VTI1A: variants seen among roughly 807,000 people sequenced by gnomAD.
The protein encoded by VTI1A is vesicle transport through interaction with t-SNAREs homolog 1A.
VTI1A carries 22 observed loss-of-function variants against 34.9 expected under a neutral mutation model. The ratio of observed to expected loss-of-function variants is 0.63; its 90% CI spans 0.45 to 0.90. VTI1A has a LOEUF of 0.90. VTI1A is among the 40% of genes least tolerant of loss of function. The pLI, the probability that VTI1A is intolerant of heterozygous loss-of-function variation, is 0.00. For synonymous variants in VTI1A, 87 were observed against 97.3 expected (o/e 0.89, Z 0.62); for missense variants, 268 against 275.6 (o/e 0.97, Z 0.20).
At position 112,631,875 on chromosome 10, in the gene VTI1A, T is replaced by C. The variant is rs188457417; in HGVS notation, c.428-36343T>C. On this transcript the variant is annotated intron_variant, in intron 5 of 7. Coordinates refer to ENST00000393077, the MANE Select transcript of VTI1A (RefSeq NM_145206.4). ...CACTCTTTAGCCCAGGATTGCTCAA[T>C]CTGGGACCAGAGAACCCTTTTATTT... Among the ~76,000 whole-genome samples the C allele has an allele frequency of 1.4e-4, 21 of 152,342 alleles. No individual in the cohort carries two copies. In the East Asian group the frequency reaches 2.9e-3, roughly 21 times the overall value.
downstream of VTI1A, among the ~76,000 whole-genome samples, chr10:112,822,325 T>G (rs1258529457): frequency 1.3e-5 from 2 of 152,186 alleles, no homozygotes; most frequent in East Asian, 3.9e-4. Context: ...AGCCTGAGAA[T>G]GGGCTCTGCA....
intron 7 of VTI1A, among the ~76,000 whole-genome samples, chr10:112,694,048 A>G (rs1165604354): frequency 6.6e-6 from 1 of 152,154 alleles, no homozygotes; most frequent in Non-Finnish European, 1.5e-5. Context: ...CTCTACTAAA[A>G]ATACAAAAAT....
chr10:112,548,030 C>A (rs1216900850), intron 5 of VTI1A, among the ~76,000 whole-genome samples: 3 of 152,116 alleles, frequency 2.0e-5, no homozygotes, highest in African/African-American at 4.8e-5. Flanking sequence ...AGAAGCTGAA[C>A]AAATGCATTT....
intron 5 of VTI1A, among the ~76,000 whole-genome samples, chr10:112,654,063 C>T (rs1453029126): frequency 6.6e-6 from 1 of 152,160 alleles, no homozygotes; most frequent in Non-Finnish European, 1.5e-5. Flanking sequence ...ATTTTAGAAA[C>T]TCCCGATGTC....
chr10:112,741,642 A>T (rs1182869363), intron 7 of VTI1A, among the ~76,000 whole-genome samples: 3 of 152,184 alleles, frequency 2.0e-5, no homozygotes, highest in South Asian at 2.1e-4. Flanking sequence ...ATGAATGAAG[A>T]TATTTTCAGA....
At chr10:112,604,397 A>G (rs1844993523) in intron 5 of VTI1A, among the ~76,000 whole-genome samples, 1 of 152,156 alleles carries the variant, frequency 6.6e-6, no homozygotes, top group Non-Finnish European at 1.5e-5. Flanking sequence ...TTGTTTCTCT[A>G]TCCTATTCTT....
the VTI1A span, among the ~76,000 whole-genome samples, chr10:112,848,414 T>A: frequency 6.6e-6 from 1 of 152,130 alleles, no homozygotes; most frequent in Non-Finnish European, 1.5e-5. Flanking sequence ...CCACCCCTGC[T>A]GTCAGTTACA....
rs771482038 is a variant in VTI1A, at chr10:112,464,535, T to C, written c.154-12T>C. 1 of 1,605,066 alleles carries C rather than the reference T, an allele frequency of 6.2e-7. No homozygotes were observed. Among genetic ancestry groups the C allele is most frequent in the South Asian group, 1.1e-5 (1 of 89,994 alleles). On this transcript the variant is annotated splice_polypyrimidine_tract_variant and intron_variant, in intron 2 of 7. Coordinates refer to ENST00000393077, the MANE Select transcript of VTI1A (RefSeq NM_145206.4). Reference sequence around the variant, plus strand: ...GTGTGTTTTAAATCACATTTTTCTTTCCCTCTTCTAGCTTGAACAGATGGA... The same window carrying C: ...GTGTGTTTTAAATCACATTTTTCTTCCCCTCTTCTAGCTTGAACAGATGGA...
chr10:112,830,450 T>G, the VTI1A span, among the ~76,000 whole-genome samples: 968 of 151,510 alleles, frequency 6.4e-3, 13 homozygotes, highest in African/African-American at 0.021. Context: ...ACCTGCCCTG[T>G]CTCAGGTTAC....
intron 7 of VTI1A, among the ~76,000 whole-genome samples, chr10:112,788,717 C>G (rs1564925905): frequency 6.6e-6 from 1 of 152,044 alleles, no homozygotes; most frequent in African/African-American, 2.4e-5. Context: ...TATTTGTTTT[C>G]TATATTCCTT....
intron 7 of VTI1A, among the ~76,000 whole-genome samples, chr10:112,715,109 A>G (rs566224480): frequency 2.6e-5 from 4 of 152,220 alleles, no homozygotes; most frequent in African/African-American, 7.2e-5. Flanking sequence ...GGGTTCAATC[A>G]TACCTGGTAA....
At position 112,697,865 on chromosome 10, in the gene VTI1A, C is replaced by CGTGTGTGTGT. The variant is rs762339605; in HGVS notation, c.560+28867_560+28868insGTGTGTGTGT. ...TTTTGTTTCTCTGTATTAGCATTTA[C>CGTGTGTGTGT]ATGTGTGTGTGTGTGTGTGTGTGTG... On this transcript the variant is annotated intron_variant, in intron 7 of 7. Coordinates refer to ENST00000393077, the MANE Select transcript of VTI1A (RefSeq NM_145206.4). 6.3e-3 allele frequency among the ~76,000 whole-genome samples: 791 copies of CGTGTGTGTGT among 126,196 alleles called. 9 individuals carry two copies. The highest frequency in any genetic ancestry group is 0.022 in the African/African-American group (735 of 33,224). The allele number at this position is 126,196 out of a possible 152,430, so 82.8% of individuals were successfully genotyped here. A position where few individuals can be genotyped will look rare whatever the true frequency, so the allele number is the denominator to read the frequency against.
chr10:112,579,467 C>T (rs567088163), intron 5 of VTI1A, among the ~76,000 whole-genome samples: 4 of 151,908 alleles, frequency 2.6e-5, no homozygotes, highest in Non-Finnish European at 5.9e-5. Context: ...TTTAGGAGGC[C>T]GAGGTGGGAG....
intron 5 of VTI1A, among the ~76,000 whole-genome samples, chr10:112,579,632 C>A (rs1843845740): frequency 6.6e-6 from 1 of 152,132 alleles, no homozygotes; most frequent in Non-Finnish European, 1.5e-5. Context: ...AGTTCATGTT[C>A]CACTTAAAGT....
intron 5 of VTI1A, among the ~76,000 whole-genome samples, chr10:112,666,571 T>C (rs528497536): frequency 5.9e-5 from 9 of 152,304 alleles, no homozygotes; most frequent in Admixed American, 1.3e-4. Context: ...TCAATGATTC[T>C]TTGTTGAATG....
At chr10:112,530,514 A>G (rs1041238083) in intron 4 of VTI1A, among the ~76,000 whole-genome samples, 4 of 152,202 alleles carry the variant, frequency 2.6e-5, no homozygotes, top group Non-Finnish European at 4.4e-5. Flanking sequence ...AACTGTTCCA[A>G]GCTTTGATTT....
the VTI1A span, among the ~76,000 whole-genome samples, chr10:112,832,930 A>T: frequency 2.0e-5 from 3 of 152,102 alleles, no homozygotes; most frequent in Non-Finnish European, 4.4e-5. Flanking sequence ...GGGTCCATGG[A>T]ATAGATGCAA....
chr10:112,554,025 A>C (rs761995364), intron 5 of VTI1A, among the ~76,000 whole-genome samples: 1 of 152,184 alleles, frequency 6.6e-6, no homozygotes, highest in Non-Finnish European at 1.5e-5. Context: ...GTGATCTTCT[A>C]GTTTTTGTGG....
intron 7 of VTI1A, among the ~76,000 whole-genome samples, chr10:112,800,073 A>T (rs1354800307): frequency 1.3e-5 from 2 of 152,216 alleles, no homozygotes; most frequent in African/African-American, 4.8e-5. Context: ...GTCCTTCCTG[A>T]CATCAGGAAA....
Sources: gnomAD v4.1 joint callset for allele counts (sites outside exome capture counted in the v4.1 genomes callset) on GRCh38, gnomAD v4.1.1 for gene constraint, MANE v1.5 for transcripts, NCBI Gene and HGNC (gene_info 2026-07-23, HGNC 2026-07-21) for gene names.